The following TMC2 variants were observed in gnomAD, a reference collection of about 807,000 sequenced individuals.
TMC2 encodes the protein transmembrane channel-like protein 2.
TMC2 carries 102 observed loss-of-function variants against 105.9 expected under a neutral mutation model. That is an observed-to-expected ratio of 0.96 (90% CI 0.82 to 1.14). The LOEUF is 1.14. Ranked by LOEUF, TMC2 falls within the 50% of genes most tolerant of loss-of-function variation. The pLI is 0.00. For synonymous variants in TMC2, 402 were observed against 422.8 expected, an observed-to-expected ratio of 0.95 and a Z score of 0.60; for missense variants, 1,093 against 1,134.3, an observed-to-expected ratio of 0.96 and a Z score of 0.52.
intron 7 of TMC2, among the ~76,000 whole-genome samples, chr20:2,589,495 G>T (rs1412052623): frequency 2.0e-5 from 3 of 152,028 alleles, no homozygotes; most frequent in Non-Finnish European, 4.4e-5. Flanking sequence ...TTTAGCTGCT[G>T]TGATTGAAAT....
intron 16 of TMC2, among the ~76,000 whole-genome samples, chr20:2,619,621 C>T (rs969434327): frequency 5.3e-5 from 8 of 152,066 alleles, no homozygotes; most frequent in African/African-American, 1.9e-4. Context: ...AGGAGTGTTC[C>T]AGCAGGGTGT....
chr20:2,618,574 C>A (rs2086501899), intron 16 of TMC2, among the ~76,000 whole-genome samples: 2 of 152,178 alleles, frequency 1.3e-5, no homozygotes, highest in Non-Finnish European at 2.9e-5. Flanking sequence ...CTCTGCTCTC[C>A]AGAGCATTGG....
intron 7 of TMC2, among the ~76,000 whole-genome samples, chr20:2,583,555 C>G (rs1293276922): frequency 2.0e-5 from 3 of 151,988 alleles, no homozygotes; most frequent in Admixed American, 2.0e-4. Context: ...CTCTGCCACC[C>G]AGGTTCAAGC....
At chr20:2,613,534 A>G in intron 14 of TMC2, 1 of 601,070 alleles carries the variant, frequency 1.7e-6, no homozygotes, top group Non-Finnish European at 2.9e-6. Context: ...GTAATGAACA[A>G]TGTGACCTTC....
At chr20:2,577,454 C>A (rs958130465) in intron 5 of TMC2, among the ~76,000 whole-genome samples, 2 of 152,232 alleles carry the variant, frequency 1.3e-5, no homozygotes, top group African/African-American at 4.8e-5. Context: ...ATCTTTGCCA[C>A]TGTTATCAAC....
At chr20:2,638,198 G>A (rs1394111571) in intron 19 of TMC2, among the ~76,000 whole-genome samples, 3 of 152,038 alleles carry the variant, frequency 2.0e-5, no homozygotes, top group East Asian at 1.9e-4. Context: ...AAAATTAGCC[G>A]GGCGTGGTGG....
At chr20:2,561,323 T>G (rs775527328) in intron 3 of TMC2, among the ~76,000 whole-genome samples, 24 of 152,178 alleles carry the variant, frequency 1.6e-4, no homozygotes, top group Non-Finnish European at 3.1e-4. Flanking sequence ...ACCTATAAAC[T>G]TATGAAATAT....
At chr20:2,631,747 T>C (rs1167864123) in intron 17 of TMC2, among the ~76,000 whole-genome samples, 5 of 150,392 alleles carry the variant, frequency 3.3e-5, no homozygotes, top group Admixed American at 1.3e-4. Flanking sequence ...GGACTAGATC[T>C]CTTTGAGTTT....
intron 16 of TMC2, among the ~76,000 whole-genome samples, chr20:2,621,802 C>T (rs2086527091): frequency 6.6e-6 from 1 of 152,166 alleles, no homozygotes; most frequent in Non-Finnish European, 1.5e-5. Flanking sequence ...CCTATGCCTG[C>T]CCCAGGTTAG....
intron 4 of TMC2, among the ~76,000 whole-genome samples, chr20:2,565,435 G>T (rs981416986): frequency 2.0e-5 from 3 of 152,192 alleles, no homozygotes; most frequent in Non-Finnish European, 4.4e-5. Context: ...TAGAGACAAG[G>T]TCTCGCTATG....
Position 2,616,542 on chromosome 20 carries a change from G to T in TMC2, c.1940+338G>T, listed in dbSNP as rs1793862723. Among the ~76,000 whole-genome samples the T allele has an allele frequency of 6.7e-6, 1 of 150,096 alleles. No homozygotes were observed. The highest frequency in any genetic ancestry group is 1.5e-5 in the Non-Finnish European group (1 of 67,444). The stretch of plus-strand genomic sequence containing the variant: ...GAAAAGGAAGGAGTAAAGAAGAGGA[G>T]GAAAAGAGGAGGAAAGGAAAATAAA... On this transcript the variant is annotated intron_variant, in intron 15 of 19. Coordinates refer to ENST00000358864, the MANE Select transcript of TMC2 (RefSeq NM_080751.3). This position sits in a 1 kb window ranked among gnomAD's most constrained non-coding sequence, Gnocchi z 4.8.
intron 2 of TMC2, among the ~76,000 whole-genome samples, chr20:2,538,983 T>C (rs2085870447): frequency 6.6e-6 from 1 of 152,206 alleles, no homozygotes; most frequent in South Asian, 2.1e-4. Context: ...GTTACTGTGT[T>C]CCTTGAAAAG....
Position 2,558,133 on chromosome 20 carries a change from T to G in TMC2, c.83-323T>G. On this transcript the variant is annotated intron_variant, in intron 2 of 19. Coordinates refer to ENST00000358864, the MANE Select transcript of TMC2 (RefSeq NM_080751.3). The surrounding 1 kb of genome is among the most constrained non-coding windows in gnomAD (Gnocchi z 4.6). Reference sequence around the variant, plus strand: ...AACCAGGGGGAAGTAGCAAGGCCTGTTTGTTCCGATTCCTCTTGGCCTCTC... The same window carrying G: ...AACCAGGGGGAAGTAGCAAGGCCTGGTTGTTCCGATTCCTCTTGGCCTCTC... 2.8e-6 allele frequency: 1 copy of G among 352,106 alleles called. No individual in the cohort carries two copies. The highest frequency in any genetic ancestry group is 5.2e-6 in the Non-Finnish European group (1 of 193,810). The allele number at this position is 352,106 out of a possible 1,614,324, so 21.8% of individuals were successfully genotyped here. A position where few individuals can be genotyped will look rare whatever the true frequency, so the allele number is the denominator to read the frequency against.
At chr20:2,539,086 G>A (rs902658822) in intron 2 of TMC2, among the ~76,000 whole-genome samples, 13 of 152,148 alleles carry the variant, frequency 8.5e-5, no homozygotes, top group African/African-American at 2.7e-4. Flanking sequence ...GCCTCTCCTC[G>A]GCCTGTGTTT....
intron 8 of TMC2, 145 bp from the exon 9 acceptor site, chr20:2,594,680 A>C: frequency 1.3e-6 from 1 of 782,196 alleles, no homozygotes; most frequent in Non-Finnish European, 2.0e-6. Context: ...AGGTGAAGGG[A>C]AGAACAAGAA....
chr20:2,579,430 A>T (rs538152519), intron 6 of TMC2, among the ~76,000 whole-genome samples: 20 of 141,842 alleles, frequency 1.4e-4, no homozygotes, highest in Admixed American at 4.8e-4. Context: ...ATTTATTTTT[A>T]TTTATTTTTG....
At chr20:2,619,824 C>T (rs1328190548) in intron 16 of TMC2, among the ~76,000 whole-genome samples, 3 of 152,194 alleles carry the variant, frequency 2.0e-5, no homozygotes, top group Non-Finnish European at 4.4e-5. Flanking sequence ...TTTTTCTCAG[C>T]TTCCCATCTG....
At chr20:2,613,459 T>TAGA (rs2086458443) in intron 14 of TMC2, 137 bp downstream of exon 14, 2 of 1,286,952 alleles carry the variant, frequency 1.6e-6, no homozygotes, top group East Asian at 4.8e-5. Flanking sequence ...AGTAGTAAAG[T>TAGA]GTTTAATTTG....
intron 11 of TMC2, among the ~76,000 whole-genome samples, chr20:2,605,988 T>C (rs1445207140): frequency 2.0e-5 from 3 of 152,188 alleles, no homozygotes; most frequent in African/African-American, 7.2e-5. Flanking sequence ...GTGTACCAGG[T>C]ACCTGGCAGA....
Sources: allele counts gnomAD v4.1 joint callset (sites outside exome capture counted in the v4.1 genomes callset), GRCh38; gene constraint gnomAD v4.1.1; non-coding constraint Gnocchi (gnomAD v3.1); transcripts MANE v1.5; gene names NCBI Gene and HGNC (gene_info 2026-07-23, HGNC 2026-07-21).